Variants in RHOBTB2 observed in about 807,000 individuals in gnomAD.
RHOBTB2 encodes rho-related BTB domain-containing protein 2.
Under a neutral mutation model 66.5 loss-of-function variants are expected in RHOBTB2, and 39 were observed. The observed-to-expected ratio is 0.59, with a 90% CI of 0.45 to 0.77. The LOEUF (loss-of-function observed/expected upper bound fraction) is 0.77, where lower values mean the gene tolerates loss of function less well. Ranked by LOEUF, RHOBTB2 falls within the 30% of genes least tolerant of loss-of-function variation. The probability of loss-of-function intolerance (pLI) is 0.00; values close to 1 mark genes in which losing one functional copy is unlikely to be tolerated. For synonymous variants in RHOBTB2, 390 were observed against 395.0 expected (o/e 0.99, Z 0.15); for missense variants, 755 against 999.1 (o/e 0.76, Z 3.29).
the RHOBTB2 span, among the ~76,000 whole-genome samples, chr8:22,962,931 T>C: frequency 6.6e-6 from 1 of 152,204 alleles, no homozygotes; most frequent in Non-Finnish European, 1.5e-5. Flanking sequence ...TTTGCTCACA[T>C]GCACCCATGG....
At chr8:23,010,740 C>G (rs758131450) in intron 7 of RHOBTB2, 52 bp downstream of exon 7, 1 of 1,592,966 alleles carries the variant, frequency 6.3e-7, no homozygotes, top group Non-Finnish European at 8.6e-7. Context: ...CCAGGGAAAC[C>G]CCAAGGTGCA....
At position 23,004,052 on chromosome 8, in the gene RHOBTB2, G is replaced by A. The variant is rs1045907276; in HGVS notation, c.-10-373G>A. The A allele has an allele frequency of 3.4e-5, 11 of 321,852 alleles. No homozygotes were observed. The highest frequency in any genetic ancestry group is 2.4e-4 in the African/African-American group (11 of 46,524). 19.9% of individuals were successfully genotyped at this position (321,852 alleles called of 1,614,324 possible). On this transcript the variant is annotated intron_variant, in intron 1 of 9. Transcript: ENST00000251822. The surrounding 1 kb of genome is among the most constrained non-coding windows in gnomAD (Gnocchi z 6.4). The stretch of plus-strand genomic sequence containing the variant: ...TTTGTTGTTCTGCTGCCACTGCTCT[G>A]CCGGGGAAGGAGGAGGAGAGCAGAT...
At chr8:22,963,985 T>A in the RHOBTB2 span, among the ~76,000 whole-genome samples, 184 of 152,276 alleles carry the variant, frequency 1.2e-3, 1 homozygote, top group African/African-American at 4.2e-3. Flanking sequence ...TTCTCCATGT[T>A]GGTCAGGCTG....
chr8:23,002,385 A>G (rs975538331), intron 1 of RHOBTB2, among the ~76,000 whole-genome samples: 4 of 152,170 alleles, frequency 2.6e-5, no homozygotes, highest in Non-Finnish European at 2.9e-5. Flanking sequence ...CTGTGGTTAG[A>G]ATAACAGTTC....
At chr8:23,010,062 T>A (rs1029037388) in intron 6 of RHOBTB2, among the ~76,000 whole-genome samples, 1 of 151,956 alleles carries the variant, frequency 6.6e-6, no homozygotes, top group Non-Finnish European at 1.5e-5. Context: ...GGGACTGAGG[T>A]GTAGATTGAG....
intron 7 of RHOBTB2, among the ~76,000 whole-genome samples, chr8:23,012,559 C>T (rs1300814121): frequency 2.0e-5 from 3 of 152,146 alleles, no homozygotes; most frequent in African/African-American, 7.2e-5. Context: ...TTTTATTGCT[C>T]AGTAGAACAC....
intron 3 of RHOBTB2, 39 bp from the exon 4 acceptor site, chr8:23,005,921 C>T (rs1198379269): frequency 1.3e-6 from 2 of 1,584,216 alleles, no homozygotes; most frequent in African/African-American, 2.7e-5. Context: ...TAAGCTACCA[C>T]TTGTTTCTCT....
chr8:23,000,741 A>ACT (rs1211636923), intron 1 of RHOBTB2, among the ~76,000 whole-genome samples: 1 of 151,658 alleles, frequency 6.6e-6, no homozygotes, highest in African/African-American at 2.4e-5. Flanking sequence ...TTAGGAGTCC[A>ACT]CTCTCTCTTT....
At chr8:22,970,947 T>C in the RHOBTB2 span, among the ~76,000 whole-genome samples, 1 of 152,196 alleles carries the variant, frequency 6.6e-6, no homozygotes, top group Non-Finnish European at 1.5e-5. Flanking sequence ...AGTGTAATCA[T>C]TACAAACCTT....
Position 23,010,562 on chromosome 8 carries a change from A to G in RHOBTB2, c.1645A>G (p.Ser549Gly). Residue 549 changes from serine (S) to glycine (G), a missense_variant, in exon 7 of 10, where the codon AGC becomes GGC. Ser to Gly is a moderately conservative substitution (Grantham distance 56). This residue lies in a region of RHOBTB2 where 353 missense variants were observed against 458.2 expected (regional missense o/e 0.77). Transcript: ENST00000251822. ...GGTGGTGTTTCCCTACACAAGCAAG[A>G]GCTGCATGCGGGCCGTGCTGGAATA... is the stretch of plus-strand genomic sequence containing the variant. ...REVVFPYTSK[S>G]CMRAVLEYLY... 3 of 1,613,890 alleles carry G rather than the reference A, an allele frequency of 1.9e-6. No homozygotes were observed. The highest frequency in any genetic ancestry group is 2.5e-6 in the Non-Finnish European group (3 of 1,179,892).
At chr8:23,014,910 G>A (rs551758646) in intron 8 of RHOBTB2, 132 bp downstream of exon 8, 134 of 721,930 alleles carry the variant, frequency 1.9e-4, no homozygotes, top group African/African-American at 1.5e-3. Context: ...CTTTGACTGC[G>A]CGTAGCCCAT....
chr8:23,010,027 A>T (rs1158975664), intron 6 of RHOBTB2, among the ~76,000 whole-genome samples: 1 of 152,130 alleles, frequency 6.6e-6, no homozygotes, highest in African/African-American at 2.4e-5. Context: ...TCTGTATCCC[A>T]CTTCTGTTCT....
the RHOBTB2 span, among the ~76,000 whole-genome samples, chr8:22,973,351 C>G: frequency 6.6e-6 from 1 of 152,266 alleles, no homozygotes; most frequent in East Asian, 1.9e-4. Flanking sequence ...CTCTCGGCCT[C>G]CCAAGTAGCT....
rs886658926 is a variant in RHOBTB2, at chr8:23,018,666, G to C, written c.*1197G>C. ...TGGCGGCAAAGAGGGGTTTGGTCTC[G>C]GGGCTTAAATGGCACCAGACTCTTG... On this transcript the variant is annotated 3_prime_UTR_variant, in exon 10 of 10. Coordinates refer to ENST00000251822, the MANE Select transcript of RHOBTB2 (RefSeq NM_015178.3). 2 of 152,388 alleles carry C rather than the reference G, an allele frequency of 1.3e-5. No homozygotes were observed. The highest frequency in any genetic ancestry group is 4.8e-5 in the African/African-American group (2 of 41,466). 9.4% of individuals were successfully genotyped at this position (152,388 alleles called of 1,614,324 possible).
At chr8:23,002,537 C>T (rs948565143) in intron 1 of RHOBTB2, among the ~76,000 whole-genome samples, 1 of 152,054 alleles carries the variant, frequency 6.6e-6, no homozygotes, top group Admixed American at 6.6e-5. Context: ...ACTAAAAATA[C>T]AAAATTAGCC....
At position 23,004,416 on chromosome 8, in the gene RHOBTB2, C is replaced by G; in HGVS notation, c.-10-9C>G. On this transcript the variant is annotated splice_polypyrimidine_tract_variant and intron_variant, in intron 1 of 9. Transcript: ENST00000251822. This position sits in a 1 kb window ranked among gnomAD's most constrained non-coding sequence, Gnocchi z 6.4. ...ATGCCGTCCTGACCGCCTCCCTCCTCTCCCTCAGGTCCCGTTTAATGGATT... is the reference window on the plus strand; with the variant it reads ...ATGCCGTCCTGACCGCCTCCCTCCTGTCCCTCAGGTCCCGTTTAATGGATT... 1.2e-6 allele frequency: 2 copies of G among 1,613,454 alleles called. No homozygotes were observed. The highest frequency in any genetic ancestry group is 1.1e-5 in the South Asian group (1 of 91,022).
upstream of RHOBTB2, among the ~76,000 whole-genome samples, chr8:22,995,281 T>C (rs990441979): frequency 6.6e-6 from 1 of 152,064 alleles, no homozygotes; most frequent in Middle Eastern, 3.2e-3. Context: ...AGGAACCTTG[T>C]CTGAGGAAAG....
the RHOBTB2 span, among the ~76,000 whole-genome samples, chr8:22,958,821 A>AAAT: frequency 2.0e-5 from 3 of 151,152 alleles, no homozygotes; most frequent in Non-Finnish European, 4.4e-5. Context: ...AAAAAAAAAA[A>AAAT]AAAAAGAGGT....
At chr8:22,991,768 G>A (rs1810430966) in intron 1 of RHOBTB2, among the ~76,000 whole-genome samples, 2 of 152,232 alleles carry the variant, frequency 1.3e-5, no homozygotes, top group South Asian at 4.1e-4. Context: ...TGCAAGAGGA[G>A]CTCAGAGCAC....
Sources: gnomAD v4.1 joint callset for allele counts (sites outside exome capture counted in the v4.1 genomes callset) on GRCh38, gnomAD v4.1.1 for gene constraint, gnomAD v4.1.1 regional missense constraint, Gnocchi (gnomAD v3.1) non-coding constraint, MANE v1.5 for transcripts, NCBI Gene and HGNC (gene_info 2026-07-23, HGNC 2026-07-21) for gene names.